ZBTB20: variants seen among roughly 807,000 people sequenced by gnomAD.
The protein encoded by ZBTB20 is zinc finger and BTB domain-containing protein 20.
ZBTB20 carries 9 observed loss-of-function variants against 56.9 expected under a neutral mutation model. The observed-to-expected ratio is 0.16, with a 90% CI of 0.10 to 0.28. The LOEUF is 0.28. Ranked by LOEUF, ZBTB20 falls within the 10% of genes least tolerant of loss-of-function variation. The probability of loss-of-function intolerance (pLI) is 1.00; values close to 1 mark genes in which losing one functional copy is unlikely to be tolerated. For synonymous variants in ZBTB20, 417 were observed against 420.7 expected, an observed-to-expected ratio of 0.99 and a Z score of 0.11; for missense variants, 655 against 1,003.0, an observed-to-expected ratio of 0.65 and a Z score of 4.69.
intron 2 of ZBTB20, among the ~76,000 whole-genome samples, chr3:114,998,293 T>A (rs1207111367): frequency 6.6e-6 from 1 of 151,758 alleles, no homozygotes; most frequent in African/African-American, 2.4e-5. Flanking sequence ...TACGTCTTTG[T>A]ATCACATGTA....
At chr3:115,022,661 C>T (rs1027837726) in intron 2 of ZBTB20, among the ~76,000 whole-genome samples, 1 of 150,972 alleles carries the variant, frequency 6.6e-6, no homozygotes, top group Non-Finnish European at 1.5e-5. Flanking sequence ...CTCCTCTACT[C>T]CCTTCAAACT....
intron 6 of ZBTB20, among the ~76,000 whole-genome samples, chr3:114,637,419 A>G (rs1578099785): frequency 1.3e-5 from 2 of 152,134 alleles, no homozygotes; most frequent in East Asian, 3.8e-4. Context: ...GGGGTTTCAC[A>G]GATCAAATTC....
chr3:114,993,754 A>G (rs946430444), intron 2 of ZBTB20, among the ~76,000 whole-genome samples: 1 of 151,902 alleles, frequency 6.6e-6, no homozygotes, highest in African/African-American at 2.4e-5. Context: ...GGATGCAGCT[A>G]AAGTGGTTCT....
intron 5 of ZBTB20, among the ~76,000 whole-genome samples, chr3:114,740,147 T>C (rs576671601): frequency 6.6e-6 from 1 of 152,202 alleles, no homozygotes; most frequent in Non-Finnish European, 1.5e-5. Context: ...TTGGTATTAA[T>C]ATAGACATGA....
intron 6 of ZBTB20, among the ~76,000 whole-genome samples, chr3:114,606,164 C>G (rs1385237915): frequency 6.6e-6 from 1 of 152,196 alleles, no homozygotes; most frequent in Non-Finnish European, 1.5e-5. Context: ...AAATACTCTT[C>G]CCCTGACAAT....
At chr3:115,031,106 A>G (rs1366635737) in intron 2 of ZBTB20, among the ~76,000 whole-genome samples, 2 of 151,496 alleles carry the variant, frequency 1.3e-5, no homozygotes, top group Non-Finnish European at 3.0e-5. Context: ...AGAGATGTAT[A>G]GATTATTAAG....
At chr3:114,456,316 C>T (rs1436861318) in intron 7 of ZBTB20, among the ~76,000 whole-genome samples, 1 of 151,972 alleles carries the variant, frequency 6.6e-6, no homozygotes, top group Non-Finnish European at 1.5e-5. Context: ...GTAGAGGCCT[C>T]GTCTCAGCAA....
rs535982641 is a variant in ZBTB20, at chr3:114,399,721, G to A, written c.-254-10616C>T. On this transcript the variant is annotated intron_variant, in intron 7 of 11. Transcript: ENST00000675478. ...TGCTATTTTCTGAGAGCCATGGGCA[G>A]TTTCTGCAATAAAGTATCTGAGTTT... Among the ~76,000 whole-genome samples the A allele has an allele frequency of 1.8e-4, 27 of 152,262 alleles. No individual in the cohort carries two copies. In the East Asian group the frequency reaches 5.2e-3, roughly 29 times the overall value.
chr3:114,420,868 C>T (rs1235820662), intron 7 of ZBTB20, among the ~76,000 whole-genome samples: 1 of 152,116 alleles, frequency 6.6e-6, no homozygotes, highest in East Asian at 1.9e-4. Context: ...ATCTCTCTTG[C>T]ACTTGAGAAG....
chr3:114,383,993 C>T (rs2084714210), intron 8 of ZBTB20, among the ~76,000 whole-genome samples: 1 of 152,172 alleles, frequency 6.6e-6, no homozygotes, highest in East Asian at 1.9e-4. Context: ...CTGACTCCAG[C>T]GGATTTCAGA....
At chr3:114,451,205 C>CA (rs10667324) in intron 7 of ZBTB20, among the ~76,000 whole-genome samples, 22,956 of 136,248 alleles carry the variant, frequency 0.17, 2,680 homozygotes, top group African/African-American at 0.35. Context: ...CAGAGGATGC[C>CA]AAAAAAAAAA....
chr3:114,441,932 A>G (rs1226730873), intron 7 of ZBTB20, among the ~76,000 whole-genome samples: 2 of 152,132 alleles, frequency 1.3e-5, no homozygotes, highest in Non-Finnish European at 2.9e-5. Context: ...AAATAAACCA[A>G]ACAAACAAAT....
At chr3:114,396,332 T>C (rs1261746030) in intron 7 of ZBTB20, among the ~76,000 whole-genome samples, 1 of 152,198 alleles carries the variant, frequency 6.6e-6, no homozygotes. Context: ...TTACTCCAGA[T>C]AACACACTCT....
chr3:114,822,018 G>C (rs1422730292), intron 4 of ZBTB20, among the ~76,000 whole-genome samples: 1 of 151,304 alleles, frequency 6.6e-6, no homozygotes, highest in Non-Finnish European at 1.5e-5. Flanking sequence ...TACAAAGTAG[G>C]TTTGAGAGAA....
chr3:114,929,707 T>A (rs546006872), intron 3 of ZBTB20, among the ~76,000 whole-genome samples: 1 of 152,354 alleles, frequency 6.6e-6, no homozygotes, highest in South Asian at 2.1e-4. Flanking sequence ...AGTTGCATGC[T>A]TTCTAAATCG....
intron 6 of ZBTB20, among the ~76,000 whole-genome samples, chr3:114,506,945 G>A (rs1159366511): frequency 6.6e-6 from 1 of 152,156 alleles, no homozygotes; most frequent in Non-Finnish European, 1.5e-5. Context: ...CCCAAGCCTA[G>A]CATAGTGTGT....
rs532347193 is a variant in ZBTB20, at chr3:114,317,840, G to A, written c.*21165C>T. ...TCGCATACATGAAACGCGAGTCCAA[G>A]GGGCCATTGGGGCAGTAGTCCAAGG... On this transcript the variant is annotated 3_prime_UTR_variant, in exon 12 of 12. Coordinates refer to ENST00000675478, the MANE Select transcript of ZBTB20 (RefSeq NM_001348800.3). The A allele has an allele frequency of 3.6e-4, 55 of 152,322 alleles. 1 individual carries two copies. Among genetic ancestry groups the A allele is most frequent in the African/African-American group, 1.3e-3 (53 of 41,582 alleles). 9.4% of individuals were successfully genotyped at this position (152,322 alleles called of 1,614,324 possible).
chr3:114,419,323 C>T (rs1407427060), intron 7 of ZBTB20, among the ~76,000 whole-genome samples: 2 of 152,066 alleles, frequency 1.3e-5, no homozygotes, highest in African/African-American at 4.8e-5. Flanking sequence ...TCTGAGCAAG[C>T]GTATTAGCAG....
chr3:114,419,306 C>T (rs916501852), intron 7 of ZBTB20: 2 of 152,094 alleles, frequency 1.3e-5, no homozygotes, highest in East Asian at 3.9e-4. Flanking sequence ...CAGGACTGCT[C>T]CTTAACTCTG....
Sources: allele counts gnomAD v4.1 joint callset (sites outside exome capture counted in the v4.1 genomes callset), GRCh38; gene constraint gnomAD v4.1.1; transcripts MANE v1.5; gene names NCBI Gene and HGNC (gene_info 2026-07-23, HGNC 2026-07-21).